Variants in NFIC observed in about 807,000 individuals in gnomAD.
The protein encoded by NFIC is nuclear factor I C.
In NFIC, 12 loss-of-function variants were observed where a neutral mutation model predicts 54.4. The ratio of observed to expected loss-of-function variants is 0.22; its 90% CI spans 0.14 to 0.36. NFIC has a LOEUF of 0.36. NFIC is among the 10% of genes least tolerant of loss of function. The pLI, the probability that NFIC is intolerant of heterozygous loss-of-function variation, is 1.00. For synonymous variants in NFIC, 322 were observed against 319.2 expected (o/e 1.01, Z -0.09); for missense variants, 575 against 718.2 (o/e 0.80, Z 2.28).
At chr19:3,429,253 TACACACACACACACACACACACAC>T (rs57948823) in intron 3 of NFIC, among the ~76,000 whole-genome samples, 1 of 50,798 alleles carries the variant, frequency 2.0e-5, no homozygotes, top group Admixed American at 3.0e-4. Context: ...AAAAAATATA[TACACACACACACACACACACACAC>T]ACACACACAC....
At chr19:3,393,574 G>A (rs1403286241) in intron 2 of NFIC, among the ~76,000 whole-genome samples, 2 of 151,612 alleles carry the variant, frequency 1.3e-5, no homozygotes, top group African/African-American at 4.8e-5. Context: ...CAGCACTTTG[G>A]GAGACCGAGG....
intron 2 of NFIC, among the ~76,000 whole-genome samples, chr19:3,417,012 C>T (rs1419222817): frequency 5.3e-5 from 8 of 151,618 alleles, no homozygotes; most frequent in South Asian, 4.2e-4. Flanking sequence ...GCCTCCGGAG[C>T]AGCTGGGACT....
At chr19:3,417,942 C>CTTTTTCTTTTCTTCCAGTTTCTCA (rs56388025) in intron 2 of NFIC, among the ~76,000 whole-genome samples, 1 of 150,596 alleles carries the variant, frequency 6.6e-6, no homozygotes, top group Non-Finnish European at 1.5e-5. Flanking sequence ...CCGGCCACCT[C>CTTTTTCTTTTCTTCCAGTTTCTCA]TGGAAGCAGC....
chr19:3,443,103 A>C (rs1314284049), intron 6 of NFIC, among the ~76,000 whole-genome samples: 9 of 152,182 alleles, frequency 5.9e-5, no homozygotes, highest in Non-Finnish European at 1.2e-4. Flanking sequence ...CCCAATGTCT[A>C]CAGTGCTGAG....
chr19:3,463,434 G>T lies in NFIC; in HGVS notation c.*665G>T. The T allele has an allele frequency of 9.1e-6, 9 of 985,458 alleles. No homozygotes were observed. The highest frequency in any genetic ancestry group is 1.1e-5 in the Non-Finnish European group (9 of 830,042). 61.0% of individuals were successfully genotyped at this position (985,458 alleles called of 1,614,324 possible). A position where few individuals can be genotyped will look rare whatever the true frequency, so the allele number is the denominator to read the frequency against. On this transcript the variant is annotated 3_prime_UTR_variant, in exon 11 of 11. Transcript: ENST00000443272. ...GGTGTCGCGGGGGTGCGTGGCGCTT[G>T]CGAGCCCTGGCCAGGGGAGGAAGTG... is the stretch of plus-strand genomic sequence containing the variant.
chr19:3,456,480 CTG>C, intron 9 of NFIC, 68 bp from the exon 10 acceptor site: 1 of 1,481,706 alleles, frequency 6.7e-7, no homozygotes. Flanking sequence ...GCCACCCTCT[CTG>C]GGGCCAGGGC....
Position 3,462,821 on chromosome 19 carries a change from G to A in NFIC, c.*52G>A, listed in dbSNP as rs370736060. 4.3e-6 allele frequency: 7 copies of A among 1,613,102 alleles called. 1 individual carries two copies. The highest frequency in any genetic ancestry group is 1.6e-4 in the Middle Eastern group (1 of 6,080). ...TCCATCGTCCCAGGAATCCCAGGGG[G>A]CAGCACAGCCGGCCCCCGGCCCACG... On this transcript the variant is annotated 3_prime_UTR_variant, in exon 11 of 11. Coordinates refer to ENST00000443272, the MANE Select transcript of NFIC (RefSeq NM_001245002.2).
chr19:3,359,834 C>T, intron 1 of NFIC: 1 of 778,350 alleles, frequency 1.3e-6, no homozygotes, highest in South Asian at 4.1e-5. Context: ...TCGCCAGTCG[C>T]CACGGGACCC....
intron 2 of NFIC, among the ~76,000 whole-genome samples, chr19:3,384,857 G>A (rs1007610772): frequency 1.3e-5 from 2 of 152,126 alleles, no homozygotes; most frequent in African/African-American, 2.4e-5. Flanking sequence ...AGGGGCCACC[G>A]TGGGGACGGA....
At chr19:3,417,102 G>T (rs375487955) in intron 2 of NFIC, among the ~76,000 whole-genome samples, 48 of 149,672 alleles carry the variant, frequency 3.2e-4, no homozygotes, top group African/African-American at 1.1e-3. Context: ...AGCCAGGATG[G>T]TCTCGATCTC....
At chr19:3,398,829 G>A (rs1292733986) in intron 2 of NFIC, among the ~76,000 whole-genome samples, 1 of 152,224 alleles carries the variant, frequency 6.6e-6, no homozygotes, top group Non-Finnish European at 1.5e-5. Context: ...CTGGGGAGGG[G>A]GAGGCTCTTA....
chr19:3,363,532 A>G (rs1302823216), upstream of NFIC, among the ~76,000 whole-genome samples: 1 of 151,852 alleles, frequency 6.6e-6, no homozygotes, highest in Non-Finnish European at 1.5e-5. Flanking sequence ...TCGGCCTCCC[A>G]AAGTGTTGGG....
intron 1 of NFIC, among the ~76,000 whole-genome samples, chr19:3,361,216 C>T (rs1450332848): frequency 6.6e-6 from 1 of 152,218 alleles, no homozygotes; most frequent in Non-Finnish European, 1.5e-5. Context: ...AGGGGTTGCG[C>T]TTGCGCGGGG....
chr19:3,458,971 C>T lies in NFIC; in HGVS notation c.1509+2336C>T, dbSNP rs111266490. On this transcript the variant is annotated intron_variant, in intron 10 of 10. Coordinates refer to ENST00000443272, the MANE Select transcript of NFIC (RefSeq NM_001245002.2). The surrounding 1 kb of genome is among the most constrained non-coding windows in gnomAD (Gnocchi z 4.1). Reference sequence around the variant, plus strand: ...GCTGCTGCCCTGACTGGACTAAGAGCACCTGGGTTGAGGCCGGGCGCCGCC... The same window carrying T: ...GCTGCTGCCCTGACTGGACTAAGAGTACCTGGGTTGAGGCCGGGCGCCGCC... 1.3e-5 allele frequency among the ~76,000 whole-genome samples: 2 copies of T among 152,052 alleles called. No homozygotes were observed. The highest frequency in any genetic ancestry group is 4.8e-5 in the African/African-American group (2 of 41,390).
chr19:3,435,318 G>A, intron 6 of NFIC, 111 bp downstream of exon 6: 1 of 1,383,722 alleles, frequency 7.2e-7, no homozygotes. Flanking sequence ...AGCCGGCCTG[G>A]AGCCGCGGGG....
intron 9 of NFIC, 108 bp from the exon 10 acceptor site, chr19:3,456,422 GCCCCAGGCACTGGGTGCAGA>G (rs1373092873): frequency 4.8e-6 from 4 of 837,882 alleles, no homozygotes; most frequent in Non-Finnish European, 3.7e-6. Context: ...AGGCTCGGAG[GCCCCAGGCACTGGGTGCAGA>G]GGCCCGGCTG....
intron 3 of NFIC, among the ~76,000 whole-genome samples, chr19:3,427,511 G>A (rs1368776002): frequency 6.6e-6 from 1 of 152,044 alleles, no homozygotes; most frequent in African/African-American, 2.4e-5. Flanking sequence ...AGGATATATG[G>A]GGAGAGGAAG....
Position 3,463,966 on chromosome 19 carries a change from G to C in NFIC, c.*1197G>C. The C allele has an allele frequency of 2.0e-6, 2 of 981,186 alleles. No individual in the cohort carries two copies. The highest frequency in any genetic ancestry group is 2.4e-6 in the Non-Finnish European group (2 of 829,008). The allele number at this position is 981,186 out of a possible 1,614,324, so 60.8% of individuals were successfully genotyped here. On this transcript the variant is annotated 3_prime_UTR_variant, in exon 11 of 11. Transcript: ENST00000443272. ...CAACCCTCATCGCCGTGCCCCCCCA[G>C]AGCTAGAGAGATGGGGCCCCTGCGT...
rs75403935 is a variant in NFIC at position 3,385,573 on chromosome 19, G to T, written c.562+3330G>T. On this transcript the variant is annotated intron_variant, in intron 2 of 10. Coordinates refer to ENST00000443272, the MANE Select transcript of NFIC (RefSeq NM_001245002.2). ...TTTGGGGGTTTTTTTGGTTGTTGTT[G>T]TTTTTTTTTTTTTTTTTGAGACAGA... is the stretch of plus-strand genomic sequence containing the variant. Among the ~76,000 whole-genome samples the T allele has an allele frequency of 4.6e-3, 498 of 109,182 alleles. 18 individuals carry two copies. In the East Asian group the frequency reaches 0.073, roughly 16 times the overall value. The allele number at this position is 109,182 out of a possible 152,430, so 71.6% of individuals were successfully genotyped here.
Sources: gnomAD v4.1 joint callset for allele counts (sites outside exome capture counted in the v4.1 genomes callset) on GRCh38, gnomAD v4.1.1 for gene constraint, Gnocchi (gnomAD v3.1) non-coding constraint, MANE v1.5 for transcripts, NCBI Gene and HGNC (gene_info 2026-07-23, HGNC 2026-07-21) for gene names.